SIPA1L1: variants seen among roughly 807,000 people sequenced by gnomAD.
SIPA1L1 encodes the protein signal induced proliferation associated 1 like 1, also known as signal-induced proliferation-associated 1-like protein 1.
SIPA1L1 carries 26 observed loss-of-function variants against 162.7 expected under a neutral mutation model. The observed-to-expected ratio is 0.16, with a 90% CI of 0.12 to 0.22. SIPA1L1 has a LOEUF of 0.22. Among genes scored for constraint, SIPA1L1 ranks in the 10% least tolerant of loss-of-function variants. The pLI, the probability that SIPA1L1 is intolerant of heterozygous loss-of-function variation, is 1.00. For missense variants in SIPA1L1, 1,874 were observed against 2,241.0 expected (o/e 0.84, Z 3.31); for synonymous variants, 829 against 837.4 (o/e 0.99, Z 0.17).
rs2034911309 is a variant in SIPA1L1, at chr14:71,588,792, T to C, written c.920T>C (p.Leu307Pro). Reference protein sequence around the residue: ...RKLRNAKGEELGKSSDLEDNR... With the variant: ...RKLRNAKGEEPGKSSDLEDNR... ...TTGCGCAATGCCAAAGGTGAAGAAC[T>C]TGGGAAGTCATCAGATCTTGAAGAT... is the stretch of plus-strand genomic sequence containing the variant. The change falls in exon 5 of 24, where the codon CTT becomes CCT. Residue 307 changes from leucine to proline, a missense_variant. Coordinates refer to ENST00000381232, the MANE Select transcript of SIPA1L1 (RefSeq NM_001386936.1). The surrounding 1 kb of genome is among the most constrained non-coding windows in gnomAD (Gnocchi z 4.3). 8 of 1,614,118 alleles carry C rather than the reference T, an allele frequency of 5.0e-6. No individual in the cohort carries two copies. The highest frequency in any genetic ancestry group is 6.8e-6 in the Non-Finnish European group (8 of 1,179,996).
At chr14:71,579,670 T>G (rs1300025833) in intron 4 of SIPA1L1, among the ~76,000 whole-genome samples, 1 of 152,252 alleles carries the variant, frequency 6.6e-6, no homozygotes, top group Non-Finnish European at 1.5e-5. Flanking sequence ...GGGTGGTATT[T>G]CAAAATCTGC....
At chr14:71,525,496 T>C (rs774238154) in intron 3 of SIPA1L1, among the ~76,000 whole-genome samples, 27 of 152,220 alleles carry the variant, frequency 1.8e-4, no homozygotes, top group Non-Finnish European at 3.1e-4. Flanking sequence ...AGTGACTAGA[T>C]TTCAATTATT....
At chr14:71,444,117 C>T (rs972349646) in intron 2 of SIPA1L1, among the ~76,000 whole-genome samples, 1 of 152,172 alleles carries the variant, frequency 6.6e-6, no homozygotes, top group African/African-American at 2.4e-5. Context: ...GGTTAGATGT[C>T]AGCGGTGTTA....
intron 2 of SIPA1L1, among the ~76,000 whole-genome samples, chr14:71,334,297 G>C (rs1475099550): frequency 6.6e-6 from 1 of 152,184 alleles, no homozygotes; most frequent in Non-Finnish European, 1.5e-5. Context: ...ATTATTTCTG[G>C]AAAGTAGACT....
At chr14:71,466,426 G>A (rs921272052) in intron 2 of SIPA1L1, among the ~76,000 whole-genome samples, 21 of 152,242 alleles carry the variant, frequency 1.4e-4, no homozygotes, top group African/African-American at 5.1e-4. Context: ...TGTCTAAACA[G>A]CAATGAAAAC....
At chr14:71,381,146 G>C (rs539570626) in intron 2 of SIPA1L1, among the ~76,000 whole-genome samples, 1 of 152,120 alleles carries the variant, frequency 6.6e-6, no homozygotes, top group Non-Finnish European at 1.5e-5. Flanking sequence ...TCCGCCTCCC[G>C]GGTTCAAGTG....
intron 2 of SIPA1L1, among the ~76,000 whole-genome samples, chr14:71,329,666 A>G (rs1050396961): frequency 1.3e-5 from 2 of 152,164 alleles, no homozygotes; most frequent in African/African-American, 4.8e-5. Context: ...GTATCTCATT[A>G]TGATTTTGAT....
At chr14:71,639,410 A>G (rs912575058) in intron 7 of SIPA1L1, among the ~76,000 whole-genome samples, 3 of 152,182 alleles carry the variant, frequency 2.0e-5, no homozygotes, top group African/African-American at 4.8e-5. Context: ...TCCTGTCTCT[A>G]AGAAACCAAA....
intron 19 of SIPA1L1, 134 bp from the exon 20 acceptor site, chr14:71,729,921 A>C: frequency 1.0e-6 from 1 of 959,296 alleles, no homozygotes; most frequent in Non-Finnish European, 1.6e-6. Flanking sequence ...GTAGAAATAG[A>C]CAATGAGCCC....
At chr14:71,541,982 A>G (rs1222200250) in intron 4 of SIPA1L1, among the ~76,000 whole-genome samples, 1 of 152,166 alleles carries the variant, frequency 6.6e-6, no homozygotes, top group South Asian at 2.1e-4. Flanking sequence ...TAACTTACTG[A>G]CTTTGGGGTT....
intron 2 of SIPA1L1, among the ~76,000 whole-genome samples, chr14:71,494,383 C>T (rs748587717): frequency 6.6e-6 from 1 of 151,622 alleles, no homozygotes; most frequent in Non-Finnish European, 1.5e-5. Flanking sequence ...AATCGTGTGG[C>T]TTTTTGTCCT....
chr14:71,400,429 A>T (rs982011398), intron 2 of SIPA1L1, among the ~76,000 whole-genome samples: 2 of 152,070 alleles, frequency 1.3e-5, no homozygotes, highest in Admixed American at 6.5e-5. Flanking sequence ...ATCCTATCAT[A>T]TGGCACTTTT....
At chr14:71,736,919 G>A (rs529387533) in intron 22 of SIPA1L1, among the ~76,000 whole-genome samples, 11 of 152,350 alleles carry the variant, frequency 7.2e-5, no homozygotes, top group East Asian at 5.8e-4. Context: ...GTGGCTTTGC[G>A]AAGGATACCA....
chr14:71,606,244 C>T (rs1249061208), intron 5 of SIPA1L1, among the ~76,000 whole-genome samples: 1 of 152,076 alleles, frequency 6.6e-6, no homozygotes, highest in Non-Finnish European at 1.5e-5. Context: ...GTGATGGCAG[C>T]CCACAACAAA....
chr14:71,502,504 A>G (rs1030906357), intron 2 of SIPA1L1, among the ~76,000 whole-genome samples: 128 of 150,414 alleles, frequency 8.5e-4, no homozygotes, highest in African/African-American at 2.9e-3. Context: ...ACCCGGCTCA[A>G]CCTCCCAAAG....
At chr14:71,459,142 G>A (rs1051099433) in intron 2 of SIPA1L1, among the ~76,000 whole-genome samples, 4 of 151,920 alleles carry the variant, frequency 2.6e-5, no homozygotes, top group African/African-American at 2.4e-5. Context: ...TGTTTGGTAT[G>A]TGCTAGCTGT....
chr14:71,583,495 A>C (rs1001693804), intron 4 of SIPA1L1, among the ~76,000 whole-genome samples: 32 of 152,178 alleles, frequency 2.1e-4, no homozygotes, highest in African/African-American at 7.5e-4. Flanking sequence ...CTTTCTGGTG[A>C]CCCTACCATA....
Position 71,377,272 on chromosome 14 carries a change from G to A in SIPA1L1, c.-465+56091G>A, listed in dbSNP as rs1207312409. ...CACCTCCCAGACGGGGCGGCGGCCG[G>A]ACGGGGGCGTTCTCCACTTCTCAGA... On this transcript the variant is annotated intron_variant, in intron 2 of 23. Transcript: ENST00000381232. This position sits in a 1 kb window ranked among gnomAD's most constrained non-coding sequence, Gnocchi z 4.8. 2.0e-5 allele frequency among the ~76,000 whole-genome samples: 3 copies of A among 151,892 alleles called. No individual in the cohort carries two copies. The highest frequency in any genetic ancestry group is 3.2e-3 in the Middle Eastern group (1 of 316).
At chr14:71,347,054 C>T (rs982896452) in intron 2 of SIPA1L1, among the ~76,000 whole-genome samples, 5 of 151,172 alleles carry the variant, frequency 3.3e-5, no homozygotes, top group Admixed American at 6.6e-5. Context: ...CAGGTTCAGG[C>T]GATTCTCCTG....
Sources: allele counts gnomAD v4.1 joint callset (sites outside exome capture counted in the v4.1 genomes callset), GRCh38; gene constraint gnomAD v4.1.1; non-coding constraint Gnocchi (gnomAD v3.1); transcripts MANE v1.5; gene names NCBI Gene and HGNC (gene_info 2026-07-23, HGNC 2026-07-21).